The following AGBL3 variants were observed in gnomAD, a reference collection of about 807,000 sequenced individuals.
AGBL3 encodes cytosolic carboxypeptidase 3.
Under a neutral mutation model 94.5 loss-of-function variants are expected in AGBL3, and 68 were observed. That is an observed-to-expected ratio of 0.72 (90% CI 0.59 to 0.88). The LOEUF is 0.88. AGBL3 is among the 40% of genes least tolerant of loss of function. The probability of loss-of-function intolerance (pLI) is 0.00; values close to 1 mark genes in which losing one functional copy is unlikely to be tolerated. For missense variants in AGBL3, 934 were observed against 1,103.8 expected, an observed-to-expected ratio of 0.85 and a Z score of 2.18; for synonymous variants, 354 against 370.7, an observed-to-expected ratio of 0.95 and a Z score of 0.52.
intron 15 of AGBL3, among the ~76,000 whole-genome samples, chr7:135,083,736 C>T (rs962803555): frequency 2.0e-5 from 3 of 152,142 alleles, no homozygotes; most frequent in African/African-American, 7.2e-5. Flanking sequence ...TTGGCTCAGC[C>T]TTTCTTTGTC....
chr7:135,026,762 A>G (rs1815192173), intron 5 of AGBL3, among the ~76,000 whole-genome samples: 2 of 151,616 alleles, frequency 1.3e-5, no homozygotes, highest in Admixed American at 1.3e-4. Context: ...GATAGTATAT[A>G]GTAGTACCTT....
intron 12 of AGBL3, among the ~76,000 whole-genome samples, chr7:135,068,738 A>G (rs1819600073): frequency 6.6e-6 from 1 of 152,250 alleles, no homozygotes; most frequent in African/African-American, 2.4e-5. Flanking sequence ...TGAAGGAAGC[A>G]CTAAACATGG....
At chr7:135,119,711 A>T (rs1455459793) in intron 16 of AGBL3, among the ~76,000 whole-genome samples, 1 of 152,104 alleles carries the variant, frequency 6.6e-6, no homozygotes, top group Non-Finnish European at 1.5e-5. Flanking sequence ...CCCCGTCTCT[A>T]CTAAAAATAC....
intron 7 of AGBL3, among the ~76,000 whole-genome samples, chr7:135,036,101 G>T (rs531431080): frequency 2.0e-5 from 3 of 152,100 alleles, no homozygotes; most frequent in South Asian, 2.1e-4. Context: ...TGTTACAAAT[G>T]TAATATATTT....
intron 5 of AGBL3, among the ~76,000 whole-genome samples, chr7:135,026,795 A>C (rs545088530): frequency 6.6e-6 from 1 of 151,660 alleles, no homozygotes; most frequent in East Asian, 2.1e-4. Context: ...CTAATCTGAC[A>C]ATCTCTGCCT....
chr7:135,122,419 C>A (rs900154602), intron 16 of AGBL3, among the ~76,000 whole-genome samples: 1 of 152,210 alleles, frequency 6.6e-6, no homozygotes, highest in Non-Finnish European at 1.5e-5. Context: ...GGAGGGGTGA[C>A]CACAGTCTTT....
chr7:134,990,270 T>A (rs972247422), intron 3 of AGBL3, among the ~76,000 whole-genome samples: 2 of 152,198 alleles, frequency 1.3e-5, no homozygotes, highest in African/African-American at 4.8e-5. Flanking sequence ...CCTTCCAGGC[T>A]TCACCCCTGG....
chr7:135,056,204 A>G (rs1818334836), intron 11 of AGBL3, among the ~76,000 whole-genome samples: 1 of 152,100 alleles, frequency 6.6e-6, no homozygotes, highest in Non-Finnish European at 1.5e-5. Flanking sequence ...TTTTCAAAGC[A>G]GCAGCATTGT....
At chr7:135,031,686 C>A (rs1392167818) in intron 5 of AGBL3, among the ~76,000 whole-genome samples, 1 of 152,158 alleles carries the variant, frequency 6.6e-6, no homozygotes, top group Non-Finnish European at 1.5e-5. Flanking sequence ...CATTTTATCC[C>A]CAATGCTAGG....
At chr7:135,133,028 T>C (rs953995904) in intron 16 of AGBL3, among the ~76,000 whole-genome samples, 2 of 151,202 alleles carry the variant, frequency 1.3e-5, no homozygotes, top group Non-Finnish European at 2.9e-5. Context: ...ATGTAGAAAA[T>C]CCTAATAAAT....
At chr7:135,003,445 G>T (rs4732076) in intron 4 of AGBL3, among the ~76,000 whole-genome samples, 141,520 of 152,026 alleles carry the variant, frequency 0.93, 66,646 homozygotes, top group Non-Finnish European at 1. Flanking sequence ...TTCTGGCTAC[G>T]TTTGCCTTAT....
At chr7:135,128,876 C>T in intron 16 of AGBL3, 2 of 1,342,170 alleles carry the variant, frequency 1.5e-6, no homozygotes, top group Non-Finnish European at 2.1e-6. Flanking sequence ...AAATCTTGGA[C>T]TTTGATCAAG....
chr7:135,118,907 G>A (rs1333712573), intron 16 of AGBL3, among the ~76,000 whole-genome samples: 1 of 151,998 alleles, frequency 6.6e-6, no homozygotes, highest in Non-Finnish European at 1.5e-5. Context: ...CAGTATAATT[G>A]TACAAATAGA....
chr7:135,107,143 A>ATT (rs397720313), intron 15 of AGBL3, among the ~76,000 whole-genome samples: 13 of 150,344 alleles, frequency 8.6e-5, no homozygotes, highest in East Asian at 2.0e-4. Flanking sequence ...TATATTATTG[A>ATT]TTTTTTTTTC....
rs544615141 is a variant in AGBL3 at position 135,079,018 on chromosome 7, C to T, written c.1981-1185C>T. Reference sequence around the variant, plus strand: ...TTTGTTTCCCACCAAGACACTCTTACTTGTTGATTCTGAAGAATTTCAGCA... The same window carrying T: ...TTTGTTTCCCACCAAGACACTCTTATTTGTTGATTCTGAAGAATTTCAGCA... On this transcript the variant is annotated intron_variant, in intron 13 of 16. Coordinates refer to ENST00000436302, the MANE Select transcript of AGBL3 (RefSeq NM_178563.4). 9.9e-5 allele frequency among the ~76,000 whole-genome samples: 15 copies of T among 152,214 alleles called. No individual in the cohort carries two copies. In the East Asian group the frequency reaches 2.9e-3, roughly 29 times the overall value.
intron 8 of AGBL3, among the ~76,000 whole-genome samples, chr7:135,043,797 A>G (rs1817097587): frequency 8.4e-6 from 1 of 119,686 alleles, no homozygotes; most frequent in Non-Finnish European, 1.9e-5. Flanking sequence ...ATCTTTCTAT[A>G]AAAATAGTAA....
intron 7 of AGBL3, among the ~76,000 whole-genome samples, chr7:135,035,300 G>T (rs1353822560): frequency 2.0e-5 from 3 of 151,796 alleles, no homozygotes; most frequent in South Asian, 2.1e-4. Flanking sequence ...GAAACCGTTG[G>T]CTTCTCTCTC....
chr7:135,058,377 A>C (rs1818520838), intron 11 of AGBL3, among the ~76,000 whole-genome samples: 1 of 152,194 alleles, frequency 6.6e-6, no homozygotes, highest in African/African-American at 2.4e-5. Flanking sequence ...AATGATTACA[A>C]TTAGAAACAG....
intron 15 of AGBL3, chr7:135,092,400 C>G (rs1258070516): frequency 6.6e-6 from 1 of 152,048 alleles, no homozygotes; most frequent in Non-Finnish European, 1.5e-5. Flanking sequence ...GTTTAATCAT[C>G]CTGAAACTAT....
Sources: gnomAD v4.1 joint callset for allele counts (sites outside exome capture counted in the v4.1 genomes callset) on GRCh38, gnomAD v4.1.1 for gene constraint, MANE v1.5 for transcripts, NCBI Gene and HGNC (gene_info 2026-07-23, HGNC 2026-07-21) for gene names.